Variants in MAF observed in about 807,000 individuals in gnomAD.
MAF encodes MAF bZIP transcription factor.
Under a neutral mutation model 22.0 loss-of-function variants are expected in MAF, and 10 were observed. That is an observed-to-expected ratio of 0.45 (90% CI 0.28 to 0.77). The LOEUF is 0.77. Among genes scored for constraint, MAF ranks in the 30% least tolerant of loss-of-function variants. The pLI is 0.12. For synonymous variants in MAF, 337 were observed against 255.8 expected (o/e 1.32, Z -3.03); for missense variants, 544 against 548.4 (o/e 0.99, Z 0.08).
the MAF span, among the ~76,000 whole-genome samples, chr16:79,493,265 CT>C: frequency 6.6e-6 from 1 of 152,112 alleles, no homozygotes; most frequent in Non-Finnish European, 1.5e-5. Context: ...TCACTACAAC[CT>C]TTGCCTCCTG....
chr16:79,511,603 T>C, the MAF span, among the ~76,000 whole-genome samples: 2 of 152,388 alleles, frequency 1.3e-5, no homozygotes, highest in Admixed American at 6.5e-5. Context: ...AGCATGTTAC[T>C]GGCTTCCCAG....
chr16:79,589,951 G>A (rs539093281), downstream of MAF, among the ~76,000 whole-genome samples: 92 of 152,266 alleles, frequency 6.0e-4, no homozygotes, highest in Non-Finnish European at 8.5e-4. Context: ...CGCGGGTCTG[G>A]GACTGCAGGC....
chr16:79,540,728 G>T, the MAF span, among the ~76,000 whole-genome samples: 7 of 152,158 alleles, frequency 4.6e-5, no homozygotes, highest in Non-Finnish European at 7.3e-5. Flanking sequence ...GCACAGGCTG[G>T]AAATAAACAA....
the MAF span, among the ~76,000 whole-genome samples, chr16:79,229,949 C>G: frequency 2.0e-5 from 3 of 151,970 alleles, no homozygotes; most frequent in African/African-American, 7.2e-5. Flanking sequence ...ACACACAGCC[C>G]CGCCATCTAA....
At chr16:79,594,752 T>C in intron 1 of MAF, 199 bp from the exon 2 acceptor site, 1 of 1,370,978 alleles carries the variant, frequency 7.3e-7, no homozygotes, top group Non-Finnish European at 9.4e-7. Context: ...CCCACTATAC[T>C]TCAAAGTTTT....
chr16:79,305,564 C>T, the MAF span, among the ~76,000 whole-genome samples: 10 of 152,088 alleles, frequency 6.6e-5, no homozygotes, highest in African/African-American at 2.4e-4. Flanking sequence ...CTCCACTGGT[C>T]ATGGGGAGGG....
At chr16:79,311,711 T>C in the MAF span, among the ~76,000 whole-genome samples, 1 of 152,086 alleles carries the variant, frequency 6.6e-6, no homozygotes, top group African/African-American at 2.4e-5. Flanking sequence ...ACAGCTTGGA[T>C]GTTTGGTTTT....
At chr16:79,415,344 C>T in the MAF span, among the ~76,000 whole-genome samples, 13 of 59,588 alleles carry the variant, frequency 2.2e-4, no homozygotes, top group African/African-American at 4.6e-4. Flanking sequence ...GGAGGATGAA[C>T]AGGCAGGCAG....
the MAF span, among the ~76,000 whole-genome samples, chr16:79,312,331 G>A: frequency 6.6e-6 from 1 of 152,078 alleles, no homozygotes; most frequent in African/African-American, 2.4e-5. Flanking sequence ...CACATTGATG[G>A]GTCACTGCAA....
chr16:79,289,448 C>G, the MAF span, among the ~76,000 whole-genome samples: 1 of 152,048 alleles, frequency 6.6e-6, no homozygotes, highest in African/African-American at 2.4e-5. Flanking sequence ...GTTTGGCTAC[C>G]CACCGTGAGA....
the MAF span, among the ~76,000 whole-genome samples, chr16:79,377,180 C>T: frequency 6.6e-6 from 1 of 152,300 alleles, no homozygotes. Context: ...TCCTCTCCAG[C>T]ACCTGTTGTT....
the MAF span, among the ~76,000 whole-genome samples, chr16:79,421,128 C>T: frequency 6.6e-6 from 1 of 152,108 alleles, no homozygotes; most frequent in Non-Finnish European, 1.5e-5. Flanking sequence ...ATCTCTTACT[C>T]TGCCTAATTT....
the MAF span, among the ~76,000 whole-genome samples, chr16:79,390,626 T>C: frequency 6.6e-6 from 1 of 151,930 alleles, no homozygotes; most frequent in Non-Finnish European, 1.5e-5. Context: ...AGCCCCAGAG[T>C]GTGCATTTAC....
the MAF span, among the ~76,000 whole-genome samples, chr16:79,402,208 T>G: frequency 1.3e-5 from 2 of 152,144 alleles, no homozygotes; most frequent in African/African-American, 4.8e-5. Context: ...TCATAAGACC[T>G]TTAGGAAGCA....
chr16:79,397,288 G>A, the MAF span, among the ~76,000 whole-genome samples: 769 of 152,286 alleles, frequency 5.0e-3, 4 homozygotes, highest in African/African-American at 0.014. Context: ...AAAAAAGCAC[G>A]GGATCTCATC....
the MAF span, among the ~76,000 whole-genome samples, chr16:79,427,041 T>C: frequency 6.6e-6 from 1 of 152,344 alleles, no homozygotes; most frequent in East Asian, 1.9e-4. Context: ...AATTGAACCA[T>C]ATCTCCATTG....
chr16:79,472,885 C>T, the MAF span, among the ~76,000 whole-genome samples: 11 of 152,052 alleles, frequency 7.2e-5, no homozygotes, highest in Middle Eastern at 3.4e-3. Context: ...GAGTTCCTGT[C>T]CTGGAGAGAT....
At chr16:79,553,761 T>C in the MAF span, among the ~76,000 whole-genome samples, 10,821 of 152,186 alleles carry the variant, frequency 0.071, 541 homozygotes, top group Middle Eastern at 0.16. Flanking sequence ...AGGGAGTAGA[T>C]AGTCATTTCT....
At chr16:79,423,499 C>A in the MAF span, among the ~76,000 whole-genome samples, 1 of 152,216 alleles carries the variant, frequency 6.6e-6, no homozygotes, top group Non-Finnish European at 1.5e-5. Flanking sequence ...GCAGCAACAT[C>A]TACCCCAGGA....
Sources: gnomAD v4.1 joint callset for allele counts (sites outside exome capture counted in the v4.1 genomes callset) on GRCh38, gnomAD v4.1.1 for gene constraint, MANE v1.5 for transcripts, NCBI Gene and HGNC (gene_info 2026-07-23, HGNC 2026-07-21) for gene names.